The following METTL8 variants were observed in gnomAD, a reference collection of about 807,000 sequenced individuals.
METTL8 encodes tRNA N(3)-cytidine methyltransferase METTL8, mitochondrial.
Under a neutral mutation model 48.7 loss-of-function variants are expected in METTL8, and 32 were observed. The observed-to-expected ratio is 0.66, with a 90% CI of 0.50 to 0.88. The LOEUF is 0.88. Among genes scored for constraint, METTL8 ranks in the 40% least tolerant of loss-of-function variants. The pLI, the probability that METTL8 is intolerant of heterozygous loss-of-function variation, is 0.00. For missense variants in METTL8, 464 were observed against 474.4 expected (o/e 0.98, Z 0.20); for synonymous variants, 136 against 157.1 (o/e 0.87, Z 1.01).
chr2:171,368,904 G>A (rs750823676), intron 2 of METTL8, among the ~76,000 whole-genome samples: 12 of 151,934 alleles, frequency 7.9e-5, no homozygotes, highest in Non-Finnish European at 1.5e-4. Context: ...AATATAAAAA[G>A]TTCCGTGATA....
intron 7 of METTL8, among the ~76,000 whole-genome samples, chr2:171,326,642 AAAGAG>A (rs778906055): frequency 1.4e-4 from 21 of 152,332 alleles, no homozygotes; most frequent in Non-Finnish European, 2.9e-4. Flanking sequence ...TTACCTCATG[AAAGAG>A]AAATTATTTT....
At chr2:171,402,981 A>G (rs1689792179) in intron 1 of METTL8, among the ~76,000 whole-genome samples, 1 of 152,204 alleles carries the variant, frequency 6.6e-6, no homozygotes, top group Non-Finnish European at 1.5e-5. Flanking sequence ...CCCAAAGTAT[A>G]AAATAAATAT....
intron 2 of METTL8, among the ~76,000 whole-genome samples, chr2:171,382,250 C>G (rs1461762558): frequency 1.3e-5 from 2 of 152,184 alleles, no homozygotes; most frequent in Non-Finnish European, 2.9e-5. Context: ...AAGACACATG[C>G]ACACATGTGC....
rs1574293812 is a variant in METTL8 at position 171,433,962 on chromosome 2, C to T, written c.-92G>A. The T allele has an allele frequency of 4.9e-6, 1 of 202,130 alleles. No homozygotes were observed. Among genetic ancestry groups the T allele is most frequent in the East Asian group, 1.6e-4 (1 of 6,326 alleles). 12.5% of individuals were successfully genotyped at this position (202,130 alleles called of 1,614,324 possible). A position where few individuals can be genotyped will look rare whatever the true frequency, so the allele number is the denominator to read the frequency against. On this transcript the variant is annotated 5_prime_UTR_variant, in exon 1 of 10. Coordinates refer to ENST00000375258, the MANE Select transcript of METTL8 (RefSeq NM_001321154.2). ...GGCACCTGGCCAGAACCTCCCAGGG[C>T]GAAGGTCGGGGCCGAGAAGCTTGTG...
chr2:171,326,548 G>A (rs970689336), intron 7 of METTL8, among the ~76,000 whole-genome samples: 3 of 152,168 alleles, frequency 2.0e-5, no homozygotes. Context: ...GCCATCCCAA[G>A]TTGTACATAT....
At chr2:171,345,707 A>G (rs998912193) in intron 3 of METTL8, among the ~76,000 whole-genome samples, 2 of 152,164 alleles carry the variant, frequency 1.3e-5, no homozygotes, top group African/African-American at 2.4e-5. Flanking sequence ...ATAACTTTCC[A>G]TAGGTAGATA....
intron 2 of METTL8, among the ~76,000 whole-genome samples, chr2:171,369,034 G>A (rs1370669643): frequency 1.3e-5 from 2 of 151,646 alleles, no homozygotes; most frequent in African/African-American, 2.4e-5. Flanking sequence ...AGCCAGGCGC[G>A]GTGGCTCATG....
At chr2:171,397,421 G>GCCAGTGCC (rs1351483767) in intron 1 of METTL8, among the ~76,000 whole-genome samples, 2 of 134,678 alleles carry the variant, frequency 1.5e-5, no homozygotes, top group African/African-American at 5.5e-5. Context: ...AACAAAATTA[G>GCCAGTGCC]CCAGTGCCTG....
chr2:171,328,212 A>G (rs1005116000), intron 7 of METTL8, among the ~76,000 whole-genome samples: 5 of 152,172 alleles, frequency 3.3e-5, no homozygotes, highest in Admixed American at 1.3e-4. Context: ...ATCTCTGGAT[A>G]GAGGGAGAGG....
intron 1 of METTL8, among the ~76,000 whole-genome samples, chr2:171,410,680 A>C (rs1025668452): frequency 1.3e-5 from 2 of 152,240 alleles, no homozygotes; most frequent in African/African-American, 4.8e-5. Flanking sequence ...TCATATCCTC[A>C]ATGATGGCAA....
At chr2:171,383,067 CTG>C (rs1256712176) in intron 2 of METTL8, among the ~76,000 whole-genome samples, 2 of 151,996 alleles carry the variant, frequency 1.3e-5, no homozygotes, top group African/African-American at 2.4e-5. Context: ...GAGCAAGACT[CTG>C]TGTGAAAAAA....
At chr2:171,338,880 A>G (rs1418508096) in intron 4 of METTL8, among the ~76,000 whole-genome samples, 2 of 152,216 alleles carry the variant, frequency 1.3e-5, no homozygotes, top group Non-Finnish European at 2.9e-5. Flanking sequence ...GGGTAATAAC[A>G]AAGAGAGTAA....
chr2:171,399,843 T>C (rs1350296477), intron 1 of METTL8, among the ~76,000 whole-genome samples: 1 of 151,984 alleles, frequency 6.6e-6, no homozygotes, highest in Non-Finnish European at 1.5e-5. Context: ...TGAAAAAATA[T>C]TTTGGAAAGT....
intron 1 of METTL8, among the ~76,000 whole-genome samples, chr2:171,428,956 G>A (rs1490618513): frequency 6.6e-6 from 1 of 152,170 alleles, no homozygotes; most frequent in African/African-American, 2.4e-5. Context: ...GCAAGATAAT[G>A]AAAACATGGG....
intron 1 of METTL8, among the ~76,000 whole-genome samples, chr2:171,433,567 A>C (rs993781014): frequency 1.3e-5 from 2 of 152,196 alleles, no homozygotes; most frequent in Non-Finnish European, 2.9e-5. Flanking sequence ...GCTAGTTAAC[A>C]AAGTATATCT....
At chr2:171,372,509 G>A (rs1686465741) in intron 2 of METTL8, among the ~76,000 whole-genome samples, 2 of 151,716 alleles carry the variant, frequency 1.3e-5, no homozygotes, top group Admixed American at 1.3e-4. Context: ...TATACTTTAA[G>A]TTCTAGGGTA....
chr2:171,409,914 G>A (rs918998229), intron 1 of METTL8, among the ~76,000 whole-genome samples: 2 of 152,040 alleles, frequency 1.3e-5, no homozygotes, highest in Non-Finnish European at 1.5e-5. Flanking sequence ...CGGTCAGGCC[G>A]GAAAGATCAC....
At chr2:171,434,715 C>A, upstream of METTL8, 1 of 1,450,844 alleles carries the variant, frequency 6.9e-7, no homozygotes. Context: ...TGACCGCCAG[C>A]CGGCCGGGGC....
At chr2:171,326,408 A>AC in intron 7 of METTL8, 1 of 373,862 alleles carries the variant, frequency 2.7e-6, no homozygotes, top group Non-Finnish European at 4.7e-6. Flanking sequence ...ACAGAGCTTG[A>AC]CGTATGATGT....
Sources: allele counts gnomAD v4.1 joint callset (sites outside exome capture counted in the v4.1 genomes callset), GRCh38; gene constraint gnomAD v4.1.1; transcripts MANE v1.5; gene names NCBI Gene and HGNC (gene_info 2026-07-23, HGNC 2026-07-21).